PRKG1: variants seen among roughly 807,000 people sequenced by gnomAD.
PRKG1 encodes the protein cGMP-dependent protein kinase 1.
Under a neutral mutation model 88.1 loss-of-function variants are expected in PRKG1, and 35 were observed. The observed-to-expected ratio is 0.40, with a 90% CI of 0.30 to 0.53. PRKG1 has a LOEUF of 0.53. PRKG1 is among the 20% of genes least tolerant of loss of function. The probability of loss-of-function intolerance (pLI) is 0.59; values close to 1 mark genes in which losing one functional copy is unlikely to be tolerated. For missense variants in PRKG1, 540 were observed against 839.8 expected (o/e 0.64, Z 4.41); for synonymous variants, 303 against 292.5 (o/e 1.04, Z -0.37).
chr10:51,412,559 G>T (rs947085336), intron 2 of PRKG1, among the ~76,000 whole-genome samples: 1 of 152,082 alleles, frequency 6.6e-6, no homozygotes, highest in Non-Finnish European at 1.5e-5. Flanking sequence ...CAGGAGAATC[G>T]CTTGAACCCG....
chr10:52,126,335 A>G (rs1002705296), intron 7 of PRKG1, among the ~76,000 whole-genome samples: 2 of 152,178 alleles, frequency 1.3e-5, no homozygotes, highest in African/African-American at 4.8e-5. Flanking sequence ...TGGGACATAT[A>G]AGTACTTCAT....
intron 7 of PRKG1, among the ~76,000 whole-genome samples, chr10:52,118,645 A>G (rs1847744437): frequency 6.6e-6 from 1 of 151,986 alleles, no homozygotes; most frequent in Admixed American, 6.6e-5. Flanking sequence ...TTGACTGTAT[A>G]CAGAAGTTTG....
At chr10:51,720,886 TTAAC>T (rs767763711) in intron 3 of PRKG1, among the ~76,000 whole-genome samples, 7 of 152,156 alleles carry the variant, frequency 4.6e-5, no homozygotes, top group Non-Finnish European at 8.8e-5. Flanking sequence ...ACTAAAGCAC[TTAAC>T]TAATAAGATG....
Position 51,809,253 on chromosome 10 carries a change from C to T in PRKG1, c.698+4563C>T, listed in dbSNP as rs558971296. Reference sequence around the variant, plus strand: ...CTTTTGTGCCTGTATTTCAGATTCCCTGATGTAAACACAGATGTTTCTATC... The same window carrying T: ...CTTTTGTGCCTGTATTTCAGATTCCTTGATGTAAACACAGATGTTTCTATC... On this transcript the variant is annotated intron_variant, in intron 4 of 17. Transcript: ENST00000373980. Among the ~76,000 whole-genome samples the T allele has an allele frequency of 2.0e-5, 3 of 151,482 alleles. No individual in the cohort carries two copies. In the South Asian group the frequency reaches 6.2e-4, roughly 32 times the overall value.
At chr10:51,067,303 G>A (rs766228671) in intron 1 of PRKG1, among the ~76,000 whole-genome samples, 1 of 150,752 alleles carries the variant, frequency 6.6e-6, no homozygotes, top group Non-Finnish European at 1.5e-5. Context: ...TGTTATTTGT[G>A]TGTGCCCTTG....
intron 7 of PRKG1, among the ~76,000 whole-genome samples, chr10:52,111,423 G>T (rs1387442155): frequency 6.6e-6 from 1 of 152,190 alleles, no homozygotes; most frequent in Non-Finnish European, 1.5e-5. Flanking sequence ...TATAGGATTT[G>T]TAGATAAGAA....
chr10:52,010,442 A>G (rs1227222658), intron 5 of PRKG1, among the ~76,000 whole-genome samples: 1 of 152,162 alleles, frequency 6.6e-6, no homozygotes, highest in Admixed American at 6.5e-5. Context: ...CAATACGCAT[A>G]TAAAAAATGC....
At chr10:51,280,349 T>C (rs2132199459) in intron 2 of PRKG1, among the ~76,000 whole-genome samples, 1 of 152,016 alleles carries the variant, frequency 6.6e-6, no homozygotes, top group Non-Finnish European at 1.5e-5. Context: ...TTATGTGTCT[T>C]GGAGTTGCTC....
intron 1 of PRKG1, among the ~76,000 whole-genome samples, chr10:51,090,474 A>G (rs1453907973): frequency 6.6e-6 from 1 of 152,166 alleles, no homozygotes; most frequent in Non-Finnish European, 1.5e-5. Context: ...GTGAAGTTCC[A>G]TAATAATGTT....
intron 3 of PRKG1, among the ~76,000 whole-genome samples, chr10:51,469,272 G>A (rs1380777638): frequency 1.3e-5 from 2 of 151,734 alleles, no homozygotes; most frequent in Admixed American, 1.3e-4. Flanking sequence ...AGCATATTTT[G>A]ATGATATCTC....
At chr10:51,788,094 G>C (rs932436813) in intron 3 of PRKG1, among the ~76,000 whole-genome samples, 1 of 152,312 alleles carries the variant, frequency 6.6e-6, no homozygotes, top group South Asian at 2.1e-4. Flanking sequence ...CATGAAAAAG[G>C]AGTATGTTTA....
chr10:51,290,175 G>C (rs968344821), intron 2 of PRKG1, among the ~76,000 whole-genome samples: 2 of 152,096 alleles, frequency 1.3e-5, no homozygotes, highest in African/African-American at 4.8e-5. Flanking sequence ...AGGAGTTCAA[G>C]GCTAAAGCGA....
intron 4 of PRKG1, among the ~76,000 whole-genome samples, chr10:51,827,583 A>T (rs565592726): frequency 6.6e-6 from 1 of 152,232 alleles, no homozygotes; most frequent in Non-Finnish European, 1.5e-5. Context: ...TTATCATTGA[A>T]TTCCAGTAAC....
At chr10:50,996,130 A>G (rs1346550500) in intron 1 of PRKG1, among the ~76,000 whole-genome samples, 3 of 152,198 alleles carry the variant, frequency 2.0e-5, no homozygotes, top group Non-Finnish European at 4.4e-5. Flanking sequence ...GAAAGCAATA[A>G]TAGAGATAGC....
chr10:51,839,568 G>A (rs931673275), intron 4 of PRKG1, among the ~76,000 whole-genome samples: 2 of 152,210 alleles, frequency 1.3e-5, no homozygotes, highest in South Asian at 2.1e-4. Flanking sequence ...TTTGGGAAGT[G>A]TGTGAAACTG....
chr10:51,682,123 CTATTGGTTTTTCT>C, intron 3 of PRKG1, among the ~76,000 whole-genome samples: 1 of 152,090 alleles, frequency 6.6e-6, no homozygotes, highest in Non-Finnish European at 1.5e-5. Flanking sequence ...GATACCATTT[CTATTGGTTTTTCT>C]AAAACAGGAT....
At chr10:51,486,077 T>C (rs1278981422) in intron 3 of PRKG1, among the ~76,000 whole-genome samples, 1 of 152,200 alleles carries the variant, frequency 6.6e-6, no homozygotes, top group African/African-American at 2.4e-5. Flanking sequence ...AATCATTAAG[T>C]ACAGCATTAT....
intron 2 of PRKG1, among the ~76,000 whole-genome samples, chr10:51,186,131 G>C (rs1189846919): frequency 6.6e-6 from 1 of 151,228 alleles, no homozygotes; most frequent in Non-Finnish European, 1.5e-5. Context: ...TTTTTCCTTT[G>C]AATTATATTT....
intron 3 of PRKG1, among the ~76,000 whole-genome samples, chr10:51,563,651 T>C (rs1009885852): frequency 7.2e-5 from 11 of 152,256 alleles, no homozygotes; most frequent in Middle Eastern, 3.4e-3. Flanking sequence ...GAAAAGCACA[T>C]GTATAGTAGT....
Sources: gnomAD v4.1 joint callset for allele counts (sites outside exome capture counted in the v4.1 genomes callset) on GRCh38, gnomAD v4.1.1 for gene constraint, MANE v1.5 for transcripts, NCBI Gene and HGNC (gene_info 2026-07-23, HGNC 2026-07-21) for gene names.